ELMOD1: variants seen among roughly 807,000 people sequenced by gnomAD.
ELMOD1 encodes the protein ELMO domain-containing protein 1.
ELMOD1 carries 21 observed loss-of-function variants against 46.7 expected under a neutral mutation model. The ratio of observed to expected loss-of-function variants is 0.45; its 90% confidence interval spans 0.32 to 0.65. ELMOD1 has a LOEUF of 0.65. Among genes scored for constraint, ELMOD1 ranks in the 30% least tolerant of loss-of-function variants. ELMOD1 has a pLI of 0.04. For synonymous variants in ELMOD1, 122 were observed against 138.2 expected, an observed-to-expected ratio of 0.88 and a Z score of 0.82; for missense variants, 348 against 407.8, an observed-to-expected ratio of 0.85 and a Z score of 1.26.
chr11:107,636,761 A>T (rs1866236206), intron 6 of ELMOD1, among the ~76,000 whole-genome samples: 1 of 152,162 alleles, frequency 6.6e-6, no homozygotes, highest in African/African-American at 2.4e-5. Flanking sequence ...AAAATTAAAG[A>T]TGCCTCATTC....
intron 2 of ELMOD1, among the ~76,000 whole-genome samples, chr11:107,623,017 C>T (rs937736477): frequency 2.0e-5 from 3 of 152,042 alleles, no homozygotes; most frequent in Non-Finnish European, 4.4e-5. Flanking sequence ...GGTACATGTG[C>T]ACAACGTGCA....
intron 6 of ELMOD1, among the ~76,000 whole-genome samples, chr11:107,639,921 G>A (rs759114895): frequency 2.6e-5 from 4 of 152,054 alleles, no homozygotes; most frequent in Non-Finnish European, 5.9e-5. Flanking sequence ...CATCCTTCAG[G>A]AGCACCCCAT....
intron 1 of ELMOD1, among the ~76,000 whole-genome samples, chr11:107,612,835 A>G (rs1392694316): frequency 6.6e-6 from 1 of 152,256 alleles, no homozygotes; most frequent in Non-Finnish European, 1.5e-5. Context: ...TAGTTATTTA[A>G]TGAATATTCT....
intron 1 of ELMOD1, among the ~76,000 whole-genome samples, chr11:107,613,758 T>C (rs1318646040): frequency 2.0e-5 from 3 of 152,246 alleles, no homozygotes; most frequent in Non-Finnish European, 4.4e-5. Flanking sequence ...CATTCTTTAC[T>C]ACCTTAGTTG....
intron 6 of ELMOD1, among the ~76,000 whole-genome samples, chr11:107,647,084 A>G (rs546300901): frequency 8.5e-5 from 13 of 152,306 alleles, no homozygotes; most frequent in African/African-American, 2.6e-4. Flanking sequence ...CAGAGCAAAG[A>G]TATCACAACA....
At chr11:107,591,533 A>G (rs1865390573) in intron 1 of ELMOD1, 124 bp downstream of exon 1, 1 of 245,262 alleles carries the variant, frequency 4.1e-6, no homozygotes, top group Non-Finnish European at 8.3e-6. Context: ...CAGAAATGCT[A>G]AGCATCGGGG....
Position 107,635,761 on chromosome 11 carries a change from T to C in ELMOD1, c.416T>C (p.Leu139Ser). ...AATCCCCAACATGAAGAAATGCTTT[T>C]GAAGGTTAGTGCTTGAACACATTTC... The part of the protein sequence containing the change: ...SDNPQHEEML[L>S]KLWKFLKPNT... The change falls in exon 6 of 12, where the codon TTG (leucine) becomes TCG (serine). Residue 139 changes from leucine (L) to serine (S), a missense_variant. Leu to Ser is a moderately radical substitution (Grantham distance 145). Coordinates refer to ENST00000265840, the MANE Select transcript of ELMOD1 (RefSeq NM_018712.4). 6.2e-7 allele frequency: 1 copy of C among 1,612,900 alleles called. No individual in the cohort carries two copies. The highest frequency in any genetic ancestry group is 8.5e-7 in the Non-Finnish European group (1 of 1,179,316).
intron 6 of ELMOD1, among the ~76,000 whole-genome samples, chr11:107,641,642 C>G (rs894167852): frequency 6.6e-6 from 1 of 152,130 alleles, no homozygotes; most frequent in Non-Finnish European, 1.5e-5. Flanking sequence ...TCATCATCCT[C>G]TCATATGTAA....
intron 1 of ELMOD1, among the ~76,000 whole-genome samples, chr11:107,610,626 G>C (rs1865759930): frequency 6.8e-6 from 1 of 147,770 alleles, no homozygotes; most frequent in Admixed American, 6.8e-5. Flanking sequence ...TTGTGCCACT[G>C]CACTCCACCC....
intron 1 of ELMOD1, among the ~76,000 whole-genome samples, chr11:107,595,043 A>G (rs988073968): frequency 6.6e-6 from 1 of 152,084 alleles, no homozygotes; most frequent in Non-Finnish European, 1.5e-5. Context: ...TGATCAAACC[A>G]CTGCAGTCCA....
chr11:107,653,137 T>A (rs571199447), intron 9 of ELMOD1, among the ~76,000 whole-genome samples: 8 of 152,268 alleles, frequency 5.3e-5, no homozygotes, highest in African/African-American at 1.4e-4. Context: ...GAAAAGGCCA[T>A]ATGACCTTAG....
chr11:107,651,027 C>T (rs934371435), intron 9 of ELMOD1, 119 bp downstream of exon 9: 16 of 577,452 alleles, frequency 2.8e-5, no homozygotes, highest in African/African-American at 2.6e-4. Context: ...ATTTTCAAAC[C>T]TTTAATCTAA....
chr11:107,651,084 A>G (rs1866517734), intron 9 of ELMOD1, among the ~76,000 whole-genome samples, 176 bp downstream of exon 9: 1 of 152,210 alleles, frequency 6.6e-6, no homozygotes, highest in Admixed American at 6.5e-5. Context: ...TGAAAACCAG[A>G]TGAGATTGAC....
chr11:107,604,782 C>T (rs1033589230), intron 1 of ELMOD1, among the ~76,000 whole-genome samples: 2 of 152,074 alleles, frequency 1.3e-5, no homozygotes, highest in Admixed American at 6.5e-5. Context: ...TGCAGACGCC[C>T]AGTCTAAATG....
chr11:107,610,713 G>A (rs1007225499), intron 1 of ELMOD1, among the ~76,000 whole-genome samples: 1 of 149,452 alleles, frequency 6.7e-6, no homozygotes, highest in African/African-American at 2.5e-5. Flanking sequence ...TAATGAAACA[G>A]GTATAAACCA....
chr11:107,611,563 G>A (rs1158034110), intron 1 of ELMOD1, among the ~76,000 whole-genome samples: 1 of 151,902 alleles, frequency 6.6e-6, no homozygotes, highest in Non-Finnish European at 1.5e-5. Context: ...AAATTAGCCG[G>A]TCGTGGTGGC....
chr11:107,599,996 T>TA (rs958027459), intron 1 of ELMOD1, among the ~76,000 whole-genome samples: 41 of 151,844 alleles, frequency 2.7e-4, no homozygotes, highest in East Asian at 5.8e-4. Flanking sequence ...TTCTTGGCTG[T>TA]AAAAAAAATA....
chr11:107,629,538 C>T (rs542792283), intron 2 of ELMOD1, among the ~76,000 whole-genome samples: 1 of 152,258 alleles, frequency 6.6e-6, no homozygotes, highest in South Asian at 2.1e-4. Flanking sequence ...AGTAGGCACT[C>T]ACATTTTTAA....
At chr11:107,660,595 G>C (rs1262746192) in intron 11 of ELMOD1, among the ~76,000 whole-genome samples, 4 of 152,212 alleles carry the variant, frequency 2.6e-5, no homozygotes, top group African/African-American at 9.7e-5. Flanking sequence ...GCCTATTGCC[G>C]TGGTGAAAAG....
Sources: allele counts gnomAD v4.1 joint callset (sites outside exome capture counted in the v4.1 genomes callset), GRCh38; gene constraint gnomAD v4.1.1; transcripts MANE v1.5; gene names NCBI Gene and HGNC (gene_info 2026-07-23, HGNC 2026-07-21).